The following ADAM12 variants were observed in gnomAD, a reference collection of about 807,000 sequenced individuals.
ADAM12 encodes ADAM metallopeptidase domain 12, also known as disintegrin and metalloproteinase domain-containing protein 12.
Under a neutral mutation model 106.4 loss-of-function variants are expected in ADAM12, and 70 were observed. That is an observed-to-expected ratio of 0.66 (90% CI 0.54 to 0.80). The LOEUF is 0.80. Ranked by LOEUF, ADAM12 falls within the 30% of genes least tolerant of loss-of-function variation. The pLI is 0.00. For synonymous variants in ADAM12, 420 were observed against 433.5 expected (o/e 0.97, Z 0.39); for missense variants, 1,010 against 1,171.9 (o/e 0.86, Z 2.02).
intron 11 of ADAM12, among the ~76,000 whole-genome samples, chr10:126,085,669 C>T (rs1212371405): frequency 6.6e-6 from 1 of 152,156 alleles, no homozygotes; most frequent in Non-Finnish European, 1.5e-5. Flanking sequence ...TCCATCCGTC[C>T]ATCCATCCAT....
chr10:126,174,947 G>A (rs1166243084), intron 3 of ADAM12, among the ~76,000 whole-genome samples: 1 of 152,042 alleles, frequency 6.6e-6, no homozygotes, highest in East Asian at 1.9e-4. Flanking sequence ...TAGTAGGGAC[G>A]GGGTTTCACT....
At chr10:126,198,431 G>T (rs1170166732) in intron 3 of ADAM12, among the ~76,000 whole-genome samples, 2 of 152,232 alleles carry the variant, frequency 1.3e-5, no homozygotes, top group African/African-American at 4.8e-5. Context: ...CCAGCTCCTG[G>T]AGCCATTGGG....
intron 6 of ADAM12, 137 bp downstream of exon 6, chr10:126,117,901 C>T (rs1956015916): frequency 4.4e-6 from 4 of 918,780 alleles, no homozygotes; most frequent in Non-Finnish European, 1.7e-6. Flanking sequence ...TCTACCACCT[C>T]CAGATAAACT....
At chr10:126,333,899 A>G (rs1397399645) in intron 1 of ADAM12, among the ~76,000 whole-genome samples, 1 of 152,190 alleles carries the variant, frequency 6.6e-6, no homozygotes, top group Non-Finnish European at 1.5e-5. Flanking sequence ...ATGTGGTGCA[A>G]CCTTTTTGAG....
At chr10:126,078,464 C>T (rs1298982754) in intron 11 of ADAM12, among the ~76,000 whole-genome samples, 1 of 152,100 alleles carries the variant, frequency 6.6e-6, no homozygotes, top group Non-Finnish European at 1.5e-5. Context: ...GTCCCAAACC[C>T]CCAGAAACAT....
intron 2 of ADAM12, among the ~76,000 whole-genome samples, chr10:126,301,586 G>C (rs1380346210): frequency 6.6e-6 from 1 of 152,130 alleles, no homozygotes; most frequent in African/African-American, 2.4e-5. Context: ...GGTAAGGGGT[G>C]GGGTGGCTGA....
At chr10:126,336,359 T>C (rs1251078633) in intron 1 of ADAM12, among the ~76,000 whole-genome samples, 1 of 152,174 alleles carries the variant, frequency 6.6e-6, no homozygotes, top group Non-Finnish European at 1.5e-5. Flanking sequence ...ATCAAAAGGC[T>C]CAGGGATGAC....
chr10:126,258,642 A>G (rs11244915), intron 3 of ADAM12, among the ~76,000 whole-genome samples: 46,104 of 151,894 alleles, frequency 0.3, 7,366 homozygotes, highest in East Asian at 0.47. Context: ...CTCTCAGCCC[A>G]TGCCCTGGCA....
intron 1 of ADAM12, among the ~76,000 whole-genome samples, chr10:126,332,726 G>T (rs907461241): frequency 6.6e-6 from 1 of 152,132 alleles, no homozygotes; most frequent in Non-Finnish European, 1.5e-5. Context: ...TTCCTTTTCC[G>T]TAAAATGAGG....
intron 3 of ADAM12, among the ~76,000 whole-genome samples, chr10:126,237,802 C>A (rs1958447375): frequency 6.6e-6 from 1 of 152,222 alleles, no homozygotes; most frequent in Non-Finnish European, 1.5e-5. Flanking sequence ...CTGGAAAGAA[C>A]TCTAATGCAA....
At chr10:126,229,586 T>C (rs1209346091) in intron 3 of ADAM12, among the ~76,000 whole-genome samples, 1 of 151,834 alleles carries the variant, frequency 6.6e-6, no homozygotes, top group African/African-American at 2.4e-5. Context: ...ATTCTTTCCC[T>C]ATACATGTGC....
At chr10:126,246,444 C>G (rs1958630879) in intron 3 of ADAM12, among the ~76,000 whole-genome samples, 1 of 152,180 alleles carries the variant, frequency 6.6e-6, no homozygotes, top group African/African-American at 2.4e-5. Flanking sequence ...AAGAAAACTT[C>G]AGGCCAATAT....
intron 2 of ADAM12, among the ~76,000 whole-genome samples, chr10:126,325,394 G>GT (rs1854264056): frequency 6.6e-6 from 1 of 152,226 alleles, no homozygotes; most frequent in Non-Finnish European, 1.5e-5. Flanking sequence ...GGGAAGTCTG[G>GT]CTGTGAAGGA....
chr10:126,278,519 A>G (rs1314144867), intron 3 of ADAM12, among the ~76,000 whole-genome samples: 1 of 152,200 alleles, frequency 6.6e-6, no homozygotes, highest in Admixed American at 6.5e-5. Flanking sequence ...AACTCTTGGT[A>G]TTTCTCAGGG....
At chr10:126,348,106 A>C (rs1162776704) in intron 1 of ADAM12, among the ~76,000 whole-genome samples, 1 of 152,236 alleles carries the variant, frequency 6.6e-6, no homozygotes, top group African/African-American at 2.4e-5. Flanking sequence ...TAGCACCTGT[A>C]CATTTAGTGC....
At chr10:126,237,625 G>A (rs540353068) in intron 3 of ADAM12, among the ~76,000 whole-genome samples, 132 of 152,184 alleles carry the variant, frequency 8.7e-4, no homozygotes, top group African/African-American at 3.1e-3. Context: ...ATACTGGGCT[G>A]TGATCCTTAT....
At chr10:126,292,043 A>C (rs1344896774) in intron 2 of ADAM12, among the ~76,000 whole-genome samples, 3 of 151,994 alleles carry the variant, frequency 2.0e-5, no homozygotes, top group Non-Finnish European at 4.4e-5. Flanking sequence ...CATACTTATG[A>C]AAAACTTGGT....
At chr10:126,319,292 T>C (rs1343216444) in intron 2 of ADAM12, among the ~76,000 whole-genome samples, 1 of 151,956 alleles carries the variant, frequency 6.6e-6, no homozygotes, top group African/African-American at 2.4e-5. Context: ...CAACACAGCA[T>C]GGGAAGGGGG....
In ADAM12 at chr10:126,275,427, G is replaced by A. The variant is rs1185477758; in HGVS notation, c.260+3488C>T. Among the ~76,000 whole-genome samples the A allele has an allele frequency of 2.6e-5, 4 of 152,186 alleles. No individual in the cohort carries two copies. In the East Asian group the frequency reaches 7.7e-4, roughly 29 times the overall value. ...AGCATCCAATCTTTTCATAAATTAG[G>A]GATGTTAGAAGGTAAATAAAAGAGA... On this transcript the variant is annotated intron_variant, in intron 3 of 22. Coordinates refer to ENST00000448723, the MANE Select transcript of ADAM12 (RefSeq NM_001288973.2).
Sources: allele counts gnomAD v4.1 joint callset (sites outside exome capture counted in the v4.1 genomes callset), GRCh38; gene constraint gnomAD v4.1.1; transcripts MANE v1.5; gene names NCBI Gene and HGNC (gene_info 2026-07-23, HGNC 2026-07-21).